The following DACH2 variants were observed in gnomAD, a reference collection of about 807,000 sequenced individuals.
The protein encoded by DACH2 is dachshund family transcription factor 2.
DACH2 carries 17 observed loss-of-function variants against 35.8 expected under a neutral mutation model. That is an observed-to-expected ratio of 0.48 (90% CI 0.33 to 0.71). The LOEUF is 0.71. DACH2 is among the 30% of genes least tolerant of loss of function. DACH2 has a pLI of 0.02. For synonymous variants in DACH2, 195 were observed against 177.3 expected (o/e 1.10, Z -0.79); for missense variants, 469 against 472.7 (o/e 0.99, Z 0.07).
At chrX:86,150,114 A>AG (rs1257582659) in intron 1 of DACH2, among the ~76,000 whole-genome samples, 1 of 108,258 alleles carries the variant, frequency 9.2e-6, no homozygotes, top group African/African-American at 3.3e-5. Flanking sequence ...GAGTTTAAAA[A>AG]GAAAAAAAGT....
At chrX:86,315,838 CACAGAG>C (rs1452033034) in intron 1 of DACH2, among the ~76,000 whole-genome samples, 1 of 77,052 alleles carries the variant, frequency 1.3e-5, no homozygotes, top group East Asian at 4.5e-4. Context: ...CACACACACA[CACAGAG>C]AGAGAGAGGG....
intron 3 of DACH2, among the ~76,000 whole-genome samples, chrX:86,568,407 T>C (rs775242432): frequency 9.9e-5 from 11 of 110,992 alleles, no homozygotes; most frequent in Non-Finnish European, 1.9e-4. Context: ...GGTGTATGGA[T>C]CTATACTTTT....
intron 2 of DACH2, among the ~76,000 whole-genome samples, chrX:86,450,571 C>T (rs1197250826): frequency 1.8e-5 from 2 of 110,766 alleles, no homozygotes; most frequent in Non-Finnish European, 3.8e-5. Flanking sequence ...GATTTATATT[C>T]CTTCGGGTAT....
At chrX:86,360,024 C>T (rs112938617) in intron 1 of DACH2, among the ~76,000 whole-genome samples, 2,868 of 109,096 alleles carry the variant, frequency 0.026, 77 homozygotes, top group East Asian at 0.22. Flanking sequence ...TGGGACCATA[C>T]ATGTGTGTCA....
intron 1 of DACH2, among the ~76,000 whole-genome samples, chrX:86,247,939 A>G (rs1383750526): frequency 1.8e-5 from 2 of 111,358 alleles, no homozygotes; most frequent in East Asian, 2.8e-4. Context: ...AGAAACAAAA[A>G]CCACATGGTC....
intron 1 of DACH2, chrX:86,160,914 C>A (rs1484532913): frequency 3.0e-6 from 2 of 674,398 alleles, no homozygotes; most frequent in South Asian, 2.3e-5. Flanking sequence ...GAGAGGCAGG[C>A]GCAAGGGCTT....
intron 3 of DACH2, among the ~76,000 whole-genome samples, chrX:86,563,862 C>T (rs184824612): frequency 2.2e-4 from 24 of 110,923 alleles, no homozygotes; most frequent in Admixed American, 3.9e-4. Flanking sequence ...ATAATATTAC[C>T]GGAATTCTAA....
intron 6 of DACH2, among the ~76,000 whole-genome samples, chrX:86,717,449 T>G (rs949562675): frequency 9.0e-6 from 1 of 110,713 alleles, no homozygotes; most frequent in African/African-American, 3.3e-5. Context: ...TTTACATATA[T>G]AGATATATAG....
At chrX:86,787,458 A>C (rs1013321134) in intron 7 of DACH2, among the ~76,000 whole-genome samples, 2 of 110,221 alleles carry the variant, frequency 1.8e-5, no homozygotes, top group African/African-American at 6.6e-5. Context: ...CTACTAAAAA[A>C]TACAAAAAAA....
Position 86,449,359 on chromosome X carries a change from T to G in DACH2, c.528-64920T>G, listed in dbSNP as rs745702785. Among the ~76,000 whole-genome samples the G allele has an allele frequency of 2.7e-3, 280 of 104,430 alleles. 2 individuals are homozygous for G. The highest frequency in any genetic ancestry group is 9.2e-3 in the African/African-American group (265 of 28,666). 90.7% of individuals were successfully genotyped at this position (104,430 alleles called of 115,157 possible). A position where few individuals can be genotyped will look rare whatever the true frequency, so the allele number is the denominator to read the frequency against. ...TGCTAGCTTTTGAATGTGTTTGCTC[T>G]TGCTTTTCTAGTTCTTTTAATTGTG... On this transcript the variant is annotated intron_variant, in intron 2 of 11. Coordinates refer to ENST00000373125, the MANE Select transcript of DACH2 (RefSeq NM_053281.3).
intron 5 of DACH2, among the ~76,000 whole-genome samples, chrX:86,700,544 AAG>A (rs1474754740): frequency 9.0e-6 from 1 of 110,630 alleles, no homozygotes; most frequent in African/African-American, 3.3e-5. Flanking sequence ...TAAAAAAAAA[AAG>A]GAATCCATGA....
chrX:86,751,412 T>A (rs2041771457), intron 7 of DACH2, among the ~76,000 whole-genome samples: 1 of 109,340 alleles, frequency 9.1e-6, no homozygotes, highest in Non-Finnish European at 1.9e-5. Context: ...GAAAAAAAAA[T>A]CAACAACACA....
At chrX:86,243,783 G>T (rs1039054428) in intron 1 of DACH2, among the ~76,000 whole-genome samples, 2 of 111,824 alleles carry the variant, frequency 1.8e-5, no homozygotes, top group African/African-American at 6.5e-5. Context: ...ATCAATGTTT[G>T]TGAAGTTTAA....
intron 1 of DACH2, among the ~76,000 whole-genome samples, chrX:86,371,594 C>T (rs1448277648): frequency 1.8e-5 from 2 of 110,219 alleles, no homozygotes; most frequent in Non-Finnish European, 3.8e-5. Flanking sequence ...TAAGGATATC[C>T]TCAGGTTTTT....
At chrX:86,195,929 C>A (rs1005146264) in intron 1 of DACH2, among the ~76,000 whole-genome samples, 16 of 111,572 alleles carry the variant, frequency 1.4e-4, no homozygotes, top group African/African-American at 4.9e-4. Context: ...AAAGAAAAAA[C>A]CCATCCAAAG....
At chrX:86,450,582 G>T (rs749494562) in intron 2 of DACH2, among the ~76,000 whole-genome samples, 6 of 110,839 alleles carry the variant, frequency 5.4e-5, no homozygotes, top group Non-Finnish European at 1.1e-4. Context: ...CTTCGGGTAT[G>T]TCCCCAGTAA....
At chrX:86,453,503 G>T (rs910053507) in intron 2 of DACH2, among the ~76,000 whole-genome samples, 3 of 111,511 alleles carry the variant, frequency 2.7e-5, no homozygotes, top group Non-Finnish European at 3.8e-5. Context: ...CTCATGTATT[G>T]GTTGCATATA....
At chrX:86,792,542 T>A (rs1345992695) in intron 7 of DACH2, among the ~76,000 whole-genome samples, 1 of 111,655 alleles carries the variant, frequency 9.0e-6, no homozygotes, top group African/African-American at 3.2e-5. Flanking sequence ...CACATACCTT[T>A]CCCAGCCTCT....
At chrX:86,378,825 G>A (rs1372659284) in intron 2 of DACH2, among the ~76,000 whole-genome samples, 1 of 111,353 alleles carries the variant, frequency 9.0e-6, no homozygotes, top group Non-Finnish European at 1.9e-5. Context: ...TAAATAACCA[G>A]TGGGAGTGCT....
Sources: gnomAD v4.1 joint callset for allele counts (sites outside exome capture counted in the v4.1 genomes callset) on GRCh38, gnomAD v4.1.1 for gene constraint, MANE v1.5 for transcripts, NCBI Gene and HGNC (gene_info 2026-07-23, HGNC 2026-07-21) for gene names.